Variants in ADGRF4 observed in about 807,000 individuals in gnomAD.
ADGRF4 encodes the protein G-protein coupled receptor PGR18.
In ADGRF4, 63 loss-of-function variants were observed where a neutral mutation model predicts 58.5. That is an observed-to-expected ratio of 1.08 (90% CI 0.88 to 1.33). The LOEUF is 1.33. Among genes scored for constraint, ADGRF4 ranks in the 40% most tolerant of loss-of-function variants. The pLI, the probability that ADGRF4 is intolerant of heterozygous loss-of-function variation, is 0.00. For missense variants in ADGRF4, 931 were observed against 843.9 expected (o/e 1.10, Z -1.28); for synonymous variants, 313 against 295.4 (o/e 1.06, Z -0.61).
chr6:47,700,594 G>T (rs1452596882), intron 1 of ADGRF4, among the ~76,000 whole-genome samples: 1 of 152,142 alleles, frequency 6.6e-6, no homozygotes, highest in Non-Finnish European at 1.5e-5. Flanking sequence ...ACACCCTCTT[G>T]TGCCCATGGC....
chr6:47,717,916 C>T (rs898465855), intron 8 of ADGRF4, among the ~76,000 whole-genome samples: 11 of 152,202 alleles, frequency 7.2e-5, no homozygotes, highest in Non-Finnish European at 1.2e-4. Flanking sequence ...TCTCTTAAGG[C>T]ACCAAGTAAA....
intron 1 of ADGRF4, among the ~76,000 whole-genome samples, chr6:47,699,898 A>G (rs972734279): frequency 1.0e-5 from 1 of 98,708 alleles, no homozygotes; most frequent in African/African-American, 2.9e-5. Context: ...CAACACACAC[A>G]CACATACACA....
Position 47,698,744 on chromosome 6 carries a change from C to T in ADGRF4, c.-67C>T, listed in dbSNP as rs1771519653. 6.6e-6 allele frequency: 1 copy of T among 152,236 alleles called. No individual in the cohort carries two copies. Among genetic ancestry groups the T allele is most frequent in the Non-Finnish European group, 1.5e-5 (1 of 68,072 alleles). 9.4% of individuals were successfully genotyped at this position (152,236 alleles called of 1,614,324 possible). The stretch of plus-strand genomic sequence containing the variant: ...GCTAGGGAGCTGAGCTCTGACCTTC[C>T]TGCTGGGTGATTCTCCACCTCTGGG... On this transcript the variant is annotated 5_prime_UTR_variant, in exon 1 of 10. Coordinates refer to ENST00000283303, the MANE Select transcript of ADGRF4 (RefSeq NM_153838.5).
chr6:47,707,573 A>G (rs192329936), intron 2 of ADGRF4, among the ~76,000 whole-genome samples: 3 of 152,360 alleles, frequency 2.0e-5, no homozygotes, highest in African/African-American at 7.2e-5. Flanking sequence ...AAATGTAGAT[A>G]GAATGTAGAT....
At position 47,700,277 on chromosome 6, in the gene ADGRF4, T is replaced by C. The variant is rs78822848; in HGVS notation, c.-17+1483T>C. On this transcript the variant is annotated intron_variant, in intron 1 of 9. Coordinates refer to ENST00000283303, the MANE Select transcript of ADGRF4 (RefSeq NM_153838.5). ...TCCCAGCTGACCTTTTAAAATTTTC[T>C]TTGGGAGTCCTGATGTCAGGCCGCA... Among the ~76,000 whole-genome samples, 663 of 152,334 alleles carry C rather than the reference T, an allele frequency of 4.4e-3. 3 individuals are homozygous for C. Among genetic ancestry groups the C allele is most frequent in the African/African-American group, 0.014 (575 of 41,576 alleles).
At chr6:47,706,774 G>A (rs1771719866) in intron 1 of ADGRF4, among the ~76,000 whole-genome samples, 1 of 152,188 alleles carries the variant, frequency 6.6e-6, no homozygotes, top group Non-Finnish European at 1.5e-5. Flanking sequence ...AGTGATGTTG[G>A]GCTCATAGTT....
intron 2 of ADGRF4, 117 bp from the exon 3 acceptor site, chr6:47,708,107 A>G (rs925755261): frequency 2.8e-6 from 2 of 705,648 alleles, no homozygotes; most frequent in Non-Finnish European, 4.9e-6. Context: ...TATCTGCTGC[A>G]GTTTTCTTTC....
At chr6:47,717,965 T>C (rs2113908862) in intron 8 of ADGRF4, among the ~76,000 whole-genome samples, 1 of 152,336 alleles carries the variant, frequency 6.6e-6, no homozygotes, top group East Asian at 1.9e-4. Context: ...GTTATTTGTT[T>C]AACCTACAGA....
intron 3 of ADGRF4, among the ~76,000 whole-genome samples, chr6:47,710,215 T>C (rs929120801): frequency 1.3e-4 from 20 of 152,352 alleles, no homozygotes; most frequent in African/African-American, 4.6e-4. Context: ...GGTGACTTTA[T>C]AGACCATACC....
intron 1 of ADGRF4, among the ~76,000 whole-genome samples, chr6:47,703,293 G>A (rs1238732949): frequency 1.3e-5 from 2 of 152,182 alleles, no homozygotes; most frequent in Non-Finnish European, 2.9e-5. Context: ...TGCTGCCAAA[G>A]CTTTTAATAA....
At chr6:47,715,458 C>T in intron 6 of ADGRF4, 1 of 301,594 alleles carries the variant, frequency 3.3e-6, no homozygotes, top group Non-Finnish European at 6.2e-6. Flanking sequence ...GAGGACTATT[C>T]TTTGGTCAGG....
intron 5 of ADGRF4, among the ~76,000 whole-genome samples, chr6:47,713,136 C>T (rs1390015383): frequency 6.6e-6 from 1 of 152,210 alleles, no homozygotes; most frequent in Non-Finnish European, 1.5e-5. Flanking sequence ...GCCTGATGAT[C>T]TAAGGTGGAA....
At chr6:47,710,705 C>T (rs1771839417) in intron 3 of ADGRF4, 30 bp from the exon 4 acceptor site, 3 of 1,533,348 alleles carry the variant, frequency 2.0e-6, no homozygotes, top group African/African-American at 1.5e-5. Context: ...GGGCTCCTGT[C>T]TCTCTCTCTT....
At chr6:47,713,676 T>C (rs1771925202) in intron 5 of ADGRF4, 122 bp from the exon 6 acceptor site, 1 of 731,242 alleles carries the variant, frequency 1.4e-6, no homozygotes, top group Admixed American at 3.4e-5. Context: ...ATAGGGAATT[T>C]GAAGAGAAAT....
intron 3 of ADGRF4, among the ~76,000 whole-genome samples, chr6:47,710,409 C>T (rs1771832365): frequency 6.6e-6 from 1 of 152,236 alleles, no homozygotes; most frequent in Non-Finnish European, 1.5e-5. Context: ...GTAACTCCCA[C>T]ATTAGCACAG....
At chr6:47,713,024 T>C (rs1771909669) in intron 5 of ADGRF4, among the ~76,000 whole-genome samples, 1 of 152,210 alleles carries the variant, frequency 6.6e-6, no homozygotes, top group Non-Finnish European at 1.5e-5. Context: ...CTCTGCCTCC[T>C]GTTGGATCAG....
chr6:47,712,296 T>C, intron 4 of ADGRF4, 61 bp from the exon 5 acceptor site: 1 of 1,545,012 alleles, frequency 6.5e-7, no homozygotes, highest in East Asian at 2.3e-5. Context: ...TTAACTCCTT[T>C]AGTCTGATAC....
At chr6:47,707,788 A>G (rs1197049805) in intron 2 of ADGRF4, among the ~76,000 whole-genome samples, 1 of 152,152 alleles carries the variant, frequency 6.6e-6, no homozygotes, top group Non-Finnish European at 1.5e-5. Flanking sequence ...CTACCTAGTG[A>G]TTATTCCTAG....
rs540530819 is a variant in ADGRF4 at position 47,714,638 on chromosome 6, A to T, written c.1393A>T (p.Ile465Phe). 36 of 1,614,148 alleles carry T rather than the reference A, an allele frequency of 2.2e-5. 1 individual carries two copies. The South Asian group carries it at 3.7e-4, about 17-fold the overall frequency. Residue 465 changes from isoleucine to phenylalanine, a missense_variant, in exon 6 of 10, where the codon ATT becomes TTT. Transcript: ENST00000283303. ...GTTTATCATAGGCTCTCACTTTAACATTAAGGCCCAGGACTACAACATGTG... is the reference window on the plus strand; with the variant it reads ...GTTTATCATAGGCTCTCACTTTAACTTTAAGGCCCAGGACTACAACATGTG... ...VWFIIGSHFN[I>F]KAQDYNMCVA...
Sources: allele counts gnomAD v4.1 joint callset (sites outside exome capture counted in the v4.1 genomes callset), GRCh38; gene constraint gnomAD v4.1.1; transcripts MANE v1.5; gene names NCBI Gene and HGNC (gene_info 2026-07-23, HGNC 2026-07-21).